The following PLCL1 variants were observed in gnomAD, a reference collection of about 807,000 sequenced individuals.
PLCL1 encodes the protein inactive phospholipase C-like protein 1.
In PLCL1, 41 loss-of-function variants were observed where a neutral mutation model predicts 84.4. The ratio of observed to expected loss-of-function variants is 0.49; its 90% CI spans 0.38 to 0.63. The LOEUF (loss-of-function observed/expected upper bound fraction) is 0.63, where lower values mean the gene tolerates loss of function less well. Ranked by LOEUF, PLCL1 falls within the 30% of genes least tolerant of loss-of-function variation. The pLI is 0.00. For synonymous variants in PLCL1, 490 were observed against 488.3 expected (o/e 1.00, Z -0.05); for missense variants, 1,206 against 1,367.8 (o/e 0.88, Z 1.87).
intron 1 of PLCL1, among the ~76,000 whole-genome samples, chr2:197,824,840 T>G (rs1318927331): frequency 6.6e-6 from 1 of 152,106 alleles, no homozygotes; most frequent in Non-Finnish European, 1.5e-5. Context: ...AGCTGTTCAG[T>G]TTTGTGGTCC....
At chr2:197,924,118 G>A (rs560394314) in intron 1 of PLCL1, among the ~76,000 whole-genome samples, 15 of 145,616 alleles carry the variant, frequency 1.0e-4, no homozygotes, top group Non-Finnish European at 2.3e-4. Context: ...CTTCGGCTCC[G>A]CATGAGAGGG....
At chr2:197,878,936 A>C (rs895434822) in intron 1 of PLCL1, among the ~76,000 whole-genome samples, 66 of 152,346 alleles carry the variant, frequency 4.3e-4, no homozygotes, top group Admixed American at 9.8e-4. Context: ...TGTTTGTGCC[A>C]ACATTTTAAT....
chr2:198,129,324 A>G (rs1694067153), intron 5 of PLCL1, among the ~76,000 whole-genome samples: 2 of 152,158 alleles, frequency 1.3e-5, no homozygotes, highest in Non-Finnish European at 2.9e-5. Flanking sequence ...TCATCTACAT[A>G]ATAAGACCGT....
intron 1 of PLCL1, among the ~76,000 whole-genome samples, chr2:197,994,391 A>C (rs913140236): frequency 6.6e-6 from 1 of 152,208 alleles, no homozygotes; most frequent in Non-Finnish European, 1.5e-5. Context: ...CAAACATCAT[A>C]TGCAGTCCAT....
chr2:197,839,351 T>C (rs1012224730), intron 1 of PLCL1, among the ~76,000 whole-genome samples: 1 of 152,220 alleles, frequency 6.6e-6, no homozygotes, highest in Non-Finnish European at 1.5e-5. Flanking sequence ...AGACTATTTT[T>C]CCAAGGGAAG....
intron 1 of PLCL1, among the ~76,000 whole-genome samples, chr2:197,909,605 C>A (rs947300558): frequency 2.0e-5 from 3 of 152,180 alleles, no homozygotes; most frequent in African/African-American, 7.2e-5. Context: ...TGAGTCATGG[C>A]CAGAGGCTCT....
chr2:197,999,644 G>A (rs906908425), intron 1 of PLCL1, among the ~76,000 whole-genome samples: 2 of 152,150 alleles, frequency 1.3e-5, no homozygotes, highest in South Asian at 4.1e-4. Flanking sequence ...ATAGGGCGTT[G>A]CTGCCCTAAT....
chr2:198,113,549 T>C (rs1171874965), intron 5 of PLCL1, among the ~76,000 whole-genome samples: 1 of 151,868 alleles, frequency 6.6e-6, no homozygotes, highest in Non-Finnish European at 1.5e-5. Context: ...CAATGGGATT[T>C]GACCTAATGG....
At chr2:197,963,033 A>C (rs982071476) in intron 1 of PLCL1, among the ~76,000 whole-genome samples, 18 of 152,234 alleles carry the variant, frequency 1.2e-4, no homozygotes, top group Middle Eastern at 6.8e-3. Flanking sequence ...GTTGCAGCGA[A>C]CATGGGAGTA....
chr2:197,955,741 G>A (rs1370627047), intron 1 of PLCL1, among the ~76,000 whole-genome samples: 1 of 151,802 alleles, frequency 6.6e-6, no homozygotes, highest in East Asian at 1.9e-4. Flanking sequence ...TGGCTGCATA[G>A]TATTCCACGG....
chr2:197,880,682 A>G (rs1373875324), intron 1 of PLCL1, among the ~76,000 whole-genome samples: 4 of 152,166 alleles, frequency 2.6e-5, no homozygotes, highest in African/African-American at 9.6e-5. Context: ...TATAGGAGAA[A>G]AGTGGAATAT....
chr2:197,856,169 C>G (rs575160446), intron 1 of PLCL1, among the ~76,000 whole-genome samples: 71 of 152,240 alleles, frequency 4.7e-4, no homozygotes, highest in African/African-American at 1.7e-3. Context: ...CACACATATG[C>G]ATAATATTTT....
intron 1 of PLCL1, among the ~76,000 whole-genome samples, chr2:197,870,986 A>T (rs139833697): frequency 4.6e-5 from 7 of 152,086 alleles, no homozygotes; most frequent in Admixed American, 4.6e-4. Flanking sequence ...GTTTTTCTGG[A>T]TATTAAACTA....
chr2:197,994,010 C>T (rs1690403919), intron 1 of PLCL1, among the ~76,000 whole-genome samples: 1 of 152,178 alleles, frequency 6.6e-6, no homozygotes, highest in Non-Finnish European at 1.5e-5. Flanking sequence ...TTCAGTGAGT[C>T]ACTTACCCTT....
chr2:197,836,149 C>T (rs1691182062), intron 1 of PLCL1, among the ~76,000 whole-genome samples: 1 of 152,106 alleles, frequency 6.6e-6, no homozygotes, highest in South Asian at 2.1e-4. Context: ...TTAAATCATC[C>T]TCTAATTTTC....
rs1191271866 is a variant in PLCL1 at position 197,827,488 on chromosome 2, T to A, written c.240+22149T>A. ...AACTGGCACAGCTGGGAAAAATGTT[T>A]TTAGGAGCATTAAACAAGGGAGATT... On this transcript the variant is annotated intron_variant, in intron 1 of 5. Coordinates refer to ENST00000428675, the MANE Select transcript of PLCL1 (RefSeq NM_006226.4). Among the ~76,000 whole-genome samples, 6 of 152,262 alleles carry A rather than the reference T, an allele frequency of 3.9e-5. No homozygotes were observed. In the South Asian group the frequency reaches 1.2e-3, roughly 32 times the overall value.
At chr2:197,984,665 C>G (rs1690184820) in intron 1 of PLCL1, among the ~76,000 whole-genome samples, 1 of 152,020 alleles carries the variant, frequency 6.6e-6, no homozygotes, top group African/African-American at 2.4e-5. Context: ...AATTTAAGTG[C>G]AAGAAAAAGC....
intron 1 of PLCL1, among the ~76,000 whole-genome samples, chr2:197,938,764 A>T (rs1689097425): frequency 6.6e-6 from 1 of 152,204 alleles, no homozygotes; most frequent in African/African-American, 2.4e-5. Flanking sequence ...TGTGATTCAG[A>T]AGCCACTAGA....
At position 198,149,494 on chromosome 2, in the gene PLCL1, C is replaced by T. The variant is rs1332166343; in HGVS notation, c.*2532C>T. 3 of 152,076 alleles carry T rather than the reference C, an allele frequency of 2.0e-5. No homozygotes were observed. Among genetic ancestry groups the T allele is most frequent in the Non-Finnish European group, 4.4e-5 (3 of 68,020 alleles). 9.4% of individuals were successfully genotyped at this position (152,076 alleles called of 1,614,324 possible). ...ACTTGGGTCTGTCTGATTTCATGTGCAAGATTATATACTTAGTGATTTTGA... is the reference window on the plus strand; with the variant it reads ...ACTTGGGTCTGTCTGATTTCATGTGTAAGATTATATACTTAGTGATTTTGA... On this transcript the variant is annotated 3_prime_UTR_variant, in exon 6 of 6. Coordinates refer to ENST00000428675, the MANE Select transcript of PLCL1 (RefSeq NM_006226.4).
Sources: allele counts gnomAD v4.1 joint callset (sites outside exome capture counted in the v4.1 genomes callset), GRCh38; gene constraint gnomAD v4.1.1; transcripts MANE v1.5; gene names NCBI Gene and HGNC (gene_info 2026-07-23, HGNC 2026-07-21).